The following MYO10 variants were observed in gnomAD, a reference collection of about 807,000 sequenced individuals.
The protein encoded by MYO10 is unconventional myosin-X.
MYO10 carries 133 observed loss-of-function variants against 257.3 expected under a neutral mutation model. That is an observed-to-expected ratio of 0.52 (90% confidence interval 0.45 to 0.60). The LOEUF (loss-of-function observed/expected upper bound fraction) is 0.60, where lower values mean the gene tolerates loss of function less well. MYO10 is among the 20% of genes least tolerant of loss of function. MYO10 has a pLI of 0.00. For missense variants in MYO10, 2,399 were observed against 2,635.7 expected (o/e 0.91, Z 1.97); for synonymous variants, 1,104 against 1,028.6 (o/e 1.07, Z -1.40).
At chr5:16,841,092 C>A (rs1464691683) in intron 2 of MYO10, among the ~76,000 whole-genome samples, 1 of 151,338 alleles carries the variant, frequency 6.6e-6, no homozygotes, top group African/African-American at 2.4e-5. Flanking sequence ...TTGCAGTGAG[C>A]CGAGATCTCG....
intron 19 of MYO10, among the ~76,000 whole-genome samples, chr5:16,750,766 C>T (rs1425628732): frequency 2.6e-5 from 4 of 152,100 alleles, no homozygotes; most frequent in Non-Finnish European, 4.4e-5. Context: ...GAGGCCGAGG[C>T]AAGGAGATCA....
At position 16,779,556 on chromosome 5, in the gene MYO10, T is replaced by C; in HGVS notation, c.919A>G (p.Arg307Gly). Residue 307 changes from arginine to glycine, a missense_variant, in exon 9 of 41, where the codon AGG (arginine) becomes GGG (glycine). Physicochemically the swap from Arg to Gly is moderately radical, Grantham distance 125. This residue lies in a region of MYO10 where 337 missense variants were observed against 446.8 expected (regional missense o/e 0.75). Transcript: ENST00000513610. Reference sequence around the variant, plus strand: ...TAAAAGTAACTTACAATAACTTCCCTAAAGGATTCCTGGTCACTGATTGTC... The same window carrying C: ...TAAAAGTAACTTACAATAACTTCCCCAAAGGATTCCTGGTCACTGATTGTC... ...DKTISDQESFREVITAMDVMQ... is the reference protein window; with the variant it reads ...DKTISDQESFGEVITAMDVMQ... 1 of 1,574,290 alleles carries C rather than the reference T, an allele frequency of 6.4e-7. No homozygotes were observed. Among genetic ancestry groups the C allele is most frequent in the Non-Finnish European group, 8.6e-7 (1 of 1,162,438 alleles).
At chr5:16,816,240 G>A (rs1209219630) in intron 3 of MYO10, among the ~76,000 whole-genome samples, 1 of 150,984 alleles carries the variant, frequency 6.6e-6, no homozygotes, top group African/African-American at 2.4e-5. Flanking sequence ...TCGGGAGGCT[G>A]AGGCAGGAGA....
chr5:16,862,289 C>T (rs1357453521), intron 2 of MYO10, among the ~76,000 whole-genome samples: 2 of 152,210 alleles, frequency 1.3e-5, no homozygotes, highest in Non-Finnish European at 2.9e-5. Flanking sequence ...CTGGATAGGT[C>T]TTTGCAGACC....
rs369783631 is a variant in MYO10, at chr5:16,812,959, T to C, written c.279+5050A>G. On this transcript the variant is annotated intron_variant, in intron 3 of 40. Transcript: ENST00000513610. ...TTTTTTTTTATCACTTTCTACCCCA[T>C]TTCAATAGAAGATGCCAAAAGCTAC... is the stretch of plus-strand genomic sequence containing the variant. Among the ~76,000 whole-genome samples, 35 of 151,878 alleles carry C rather than the reference T, an allele frequency of 2.3e-4. No homozygotes were observed. The South Asian group carries it at 7.3e-3, about 32-fold the overall frequency.
chr5:16,796,471 A>AG (rs1560989916), intron 3 of MYO10, among the ~76,000 whole-genome samples: 1 of 30,468 alleles, frequency 3.3e-5, no homozygotes, highest in Non-Finnish European at 7.3e-5. Context: ...AAAGAAAGAA[A>AG]AGAAAAGAAA....
intron 1 of MYO10, among the ~76,000 whole-genome samples, chr5:16,927,337 T>C (rs1387688688): frequency 6.6e-6 from 1 of 152,222 alleles, no homozygotes; most frequent in Non-Finnish European, 1.5e-5. Flanking sequence ...TATTTATTTA[T>C]TTATTGAGAT....
At chr5:16,731,639 A>C (rs1739585820) in intron 19 of MYO10, among the ~76,000 whole-genome samples, 1 of 152,220 alleles carries the variant, frequency 6.6e-6, no homozygotes, top group South Asian at 2.1e-4. Context: ...GTGAGCCACC[A>C]CGCCAGGCCA....
At chr5:16,793,817 G>C (rs1039194374) in intron 4 of MYO10, among the ~76,000 whole-genome samples, 6 of 151,824 alleles carry the variant, frequency 4.0e-5, no homozygotes, top group African/African-American at 1.5e-4. Context: ...TGTAATCCCA[G>C]CTACTCGGGA....
intron 1 of MYO10, among the ~76,000 whole-genome samples, chr5:16,900,036 C>A: frequency 1.4e-5 from 2 of 146,846 alleles, no homozygotes; most frequent in African/African-American, 2.5e-5. Flanking sequence ...ATTTAAACAG[C>A]TCTGGGAAAC....
At chr5:16,833,428 GGTCTC>G (rs992877366) in intron 2 of MYO10, among the ~76,000 whole-genome samples, 1 of 151,950 alleles carries the variant, frequency 6.6e-6, no homozygotes, top group African/African-American at 2.4e-5. Context: ...TGGCCAGGCT[GGTCTC>G]GAACTCCTGA....
At chr5:16,933,702 A>G (rs182700489) in intron 1 of MYO10, among the ~76,000 whole-genome samples, 236 of 152,324 alleles carry the variant, frequency 1.5e-3, no homozygotes, top group African/African-American at 5.6e-3. Flanking sequence ...ACAAGACATG[A>G]GAGAGAGAAA....
At chr5:16,900,741 C>CTTT (rs1745353417) in intron 1 of MYO10, among the ~76,000 whole-genome samples, 6 of 89,278 alleles carry the variant, frequency 6.7e-5, no homozygotes, top group South Asian at 3.4e-4. Flanking sequence ...CTCCCTAAAT[C>CTTT]TTGTTTTTTT....
intron 2 of MYO10, among the ~76,000 whole-genome samples, chr5:16,870,681 T>C (rs1744428282): frequency 6.6e-6 from 1 of 152,046 alleles, no homozygotes; most frequent in South Asian, 2.1e-4. Context: ...TCATCTGAGG[T>C]TGGGAGTTGG....
chr5:16,704,252 G>A (rs943866043), intron 22 of MYO10, among the ~76,000 whole-genome samples: 2 of 152,064 alleles, frequency 1.3e-5, no homozygotes, highest in African/African-American at 4.8e-5. Flanking sequence ...TTGAGCCCAG[G>A]AGGTCAAGGC....
chr5:16,813,774 G>A (rs1742515072), intron 3 of MYO10, among the ~76,000 whole-genome samples: 1 of 152,106 alleles, frequency 6.6e-6, no homozygotes, highest in African/African-American at 2.4e-5. Context: ...CTTAAAAGCA[G>A]ACAGCCTTTC....
At chr5:16,864,717 T>G (rs1190564384) in intron 2 of MYO10, among the ~76,000 whole-genome samples, 2 of 151,870 alleles carry the variant, frequency 1.3e-5, no homozygotes, top group Non-Finnish European at 2.9e-5. Context: ...AGCAGACGAG[T>G]TTTTTTTCTT....
At chr5:16,681,528 A>G in intron 31 of MYO10, 25 bp from the exon 32 acceptor site, 1 of 1,580,662 alleles carries the variant, frequency 6.3e-7, no homozygotes, top group Non-Finnish European at 8.6e-7. Flanking sequence ...TAAAGTGTAA[A>G]TTAAAATCTG....
rs142179624 is a variant in MYO10 at position 16,688,410 on chromosome 5, T to G, written c.3896+1414A>C. On this transcript the variant is annotated intron_variant, in intron 28 of 40. Coordinates refer to ENST00000513610, the MANE Select transcript of MYO10 (RefSeq NM_012334.3). ...GTCCTAATGATCTTGGGGCTGAGAATTGAAGAATTCGGCTATTGGATGTTA... is the reference window on the plus strand; with the variant it reads ...GTCCTAATGATCTTGGGGCTGAGAAGTGAAGAATTCGGCTATTGGATGTTA... Among the ~76,000 whole-genome samples the G allele has an allele frequency of 6.6e-3, 1,011 of 152,280 alleles. 8 individuals carry two copies. Among genetic ancestry groups the G allele is most frequent in the Middle Eastern group, 0.01 (3 of 294 alleles).
Sources: allele counts gnomAD v4.1 joint callset (sites outside exome capture counted in the v4.1 genomes callset), GRCh38; gene constraint gnomAD v4.1.1; regional missense constraint gnomAD v4.1.1; transcripts MANE v1.5; gene names NCBI Gene and HGNC (gene_info 2026-07-23, HGNC 2026-07-21).